The following RABGAP1L variants were observed in gnomAD, a reference collection of about 807,000 sequenced individuals.
RABGAP1L encodes the protein rab GTPase-activating protein 1-like.
A neutral mutation model predicts 137.7 loss-of-function variants in RABGAP1L; 63 were observed. That is an observed-to-expected ratio of 0.46 (90% CI 0.37 to 0.56). The LOEUF (loss-of-function observed/expected upper bound fraction) is 0.56. Ranked by LOEUF, RABGAP1L falls within the 20% of genes least tolerant of loss-of-function variation. The pLI is 0.00. For synonymous variants in RABGAP1L, 431 were observed against 433.7 expected (o/e 0.99, Z 0.08); for missense variants, 1,095 against 1,244.0 (o/e 0.88, Z 1.80).
chr1:174,477,363 T>C (rs1415177221), intron 13 of RABGAP1L, among the ~76,000 whole-genome samples: 4 of 152,240 alleles, frequency 2.6e-5, no homozygotes, highest in African/African-American at 9.6e-5. Context: ...GCTACTGTTA[T>C]GATGTTCATA....
intron 3 of RABGAP1L, among the ~76,000 whole-genome samples, chr1:174,223,503 A>G (rs1210407163): frequency 6.6e-6 from 1 of 151,608 alleles, no homozygotes; most frequent in African/African-American, 2.4e-5. Context: ...AACAGTAGAA[A>G]ATAAAATTGC....
chr1:174,673,485 A>G (rs1264861022), intron 14 of RABGAP1L, among the ~76,000 whole-genome samples: 1 of 152,202 alleles, frequency 6.6e-6, no homozygotes, highest in Admixed American at 6.5e-5. Flanking sequence ...CCAAGATGCT[A>G]TCAGGTACCT....
intron 18 of RABGAP1L, among the ~76,000 whole-genome samples, chr1:174,803,611 ATTTTT>A (rs200872896): frequency 4.0e-5 from 6 of 148,206 alleles, no homozygotes; most frequent in African/African-American, 1.2e-4. Context: ...TCACATTTAG[ATTTTT>A]TTTTTTTCAA....
intron 13 of RABGAP1L, among the ~76,000 whole-genome samples, chr1:174,466,866 T>TTGTTACCTGTGTAATACTGGGCA (rs1657355021): frequency 6.6e-6 from 1 of 152,198 alleles, no homozygotes; most frequent in Admixed American, 6.5e-5. Context: ...TATTCATCAC[T>TTGTTACCTGTGTAATACTGGGCA]TGTTACCTGT....
At chr1:174,385,856 G>T (rs1220134357) in intron 12 of RABGAP1L, among the ~76,000 whole-genome samples, 1 of 152,170 alleles carries the variant, frequency 6.6e-6, no homozygotes, top group Non-Finnish European at 1.5e-5. Context: ...AAGCCCAGCT[G>T]GATTGGAAAT....
intron 13 of RABGAP1L, among the ~76,000 whole-genome samples, chr1:174,530,461 A>G (rs546456811): frequency 2.6e-5 from 4 of 152,242 alleles, no homozygotes; most frequent in South Asian, 2.1e-4. Context: ...GCACAATCTC[A>G]TGGTGTTACC....
Position 174,448,645 on chromosome 1 carries a change from T to G in RABGAP1L, c.1710+54500T>G. ...GCCTAATTTTCTTGCCTTCCTTTTT[T>G]GGCTGGGGGAAACCTGGTTACCATG... On this transcript the variant is annotated intron_variant, in intron 13 of 25. Coordinates refer to ENST00000681986, the MANE Select transcript of RABGAP1L (RefSeq NM_001366446.1). This position sits in a 1 kb window ranked among gnomAD's most constrained non-coding sequence, Gnocchi z 4.2. 6.2e-7 allele frequency: 1 copy of G among 1,613,924 alleles called. No individual in the cohort carries two copies. The highest frequency in any genetic ancestry group is 8.5e-7 in the Non-Finnish European group (1 of 1,179,792).
At chr1:174,421,305 T>C (rs978895493) in intron 13 of RABGAP1L, among the ~76,000 whole-genome samples, 7 of 152,224 alleles carry the variant, frequency 4.6e-5, no homozygotes, top group African/African-American at 1.4e-4. Flanking sequence ...TACATCTTTT[T>C]CCTAGGCAAC....
rs938370949 is a variant in RABGAP1L, at chr1:174,958,227, T to C, written c.2433+678T>C. 3.6e-5 allele frequency: 46 copies of C among 1,272,924 alleles called. No homozygotes were observed. The South Asian group carries it at 5.1e-4, about 14-fold the overall frequency. The allele number at this position is 1,272,924 out of a possible 1,614,324, so 78.9% of individuals were successfully genotyped here. On this transcript the variant is annotated intron_variant, in intron 20 of 25. Coordinates refer to ENST00000681986, the MANE Select transcript of RABGAP1L (RefSeq NM_001366446.1). ...TGCAACATTTATTTCCACAAATGAA[T>C]TTATGAACAACAGTGATATTTGAGT...
At chr1:174,643,939 G>GTGTGTATGTA (rs1038932862) in intron 14 of RABGAP1L, among the ~76,000 whole-genome samples, 8 of 150,070 alleles carry the variant, frequency 5.3e-5, no homozygotes, top group Non-Finnish European at 1.2e-4. Context: ...GTGTGTGTGT[G>GTGTGTATGTA]TGTATGTATG....
chr1:174,726,961 A>G (rs1682037710), intron 17 of RABGAP1L, among the ~76,000 whole-genome samples: 1 of 152,196 alleles, frequency 6.6e-6, no homozygotes, highest in Non-Finnish European at 1.5e-5. Context: ...TGCTCAGAAT[A>G]GAAGTAATCG....
intron 11 of RABGAP1L, among the ~76,000 whole-genome samples, chr1:174,309,865 T>C (rs957727967): frequency 6.6e-6 from 1 of 152,136 alleles, no homozygotes; most frequent in Non-Finnish European, 1.5e-5. Flanking sequence ...AGTGTAATGC[T>C]GGCCTCATAA....
intron 13 of RABGAP1L, among the ~76,000 whole-genome samples, chr1:174,434,701 T>C (rs923014548): frequency 2.6e-5 from 4 of 152,214 alleles, no homozygotes; most frequent in African/African-American, 9.6e-5. Context: ...TGTATATTGG[T>C]ATCTCATCTA....
chr1:174,406,717 G>A (rs914715626), intron 13 of RABGAP1L, among the ~76,000 whole-genome samples: 2 of 152,110 alleles, frequency 1.3e-5, no homozygotes, highest in African/African-American at 2.4e-5. Context: ...GGAAGATCTC[G>A]AGTCCAGGAG....
chr1:174,598,078 C>A (rs1225352221), intron 13 of RABGAP1L, among the ~76,000 whole-genome samples: 1 of 152,034 alleles, frequency 6.6e-6, no homozygotes, highest in Non-Finnish European at 1.5e-5. Flanking sequence ...CGGCTGTAAT[C>A]CCAGAACTTT....
rs148344455 is a variant in RABGAP1L, at chr1:174,716,705, A to G, written c.2169+14449A>G. On this transcript the variant is annotated intron_variant, in intron 17 of 25. Transcript: ENST00000681986. ...GTTATTTTTTAGAAGTCCACTTGAC[A>G]TTTTGCTTCTTGTCCTCATCCTAGT... Among the ~76,000 whole-genome samples the G allele has an allele frequency of 1.6e-4, 25 of 152,114 alleles. 1 individual carries two copies. Among genetic ancestry groups the G allele is most frequent in the Middle Eastern group, 3.4e-3 (1 of 294 alleles).
chr1:174,236,443 T>C (rs1021497460), intron 4 of RABGAP1L, among the ~76,000 whole-genome samples: 8 of 142,148 alleles, frequency 5.6e-5, no homozygotes, highest in African/African-American at 7.9e-5. Context: ...GCTTTGAATG[T>C]GTCCCAGAGA....
intron 5 of RABGAP1L, chr1:174,242,952 T>G (rs1407696494): frequency 6.6e-6 from 1 of 152,176 alleles, no homozygotes; most frequent in Non-Finnish European, 1.5e-5. Context: ...TGAGGGGGGC[T>G]ATTTCTGATC....
chr1:174,551,171 T>C (rs1666519864), intron 13 of RABGAP1L, among the ~76,000 whole-genome samples: 1 of 149,714 alleles, frequency 6.7e-6, no homozygotes, highest in Non-Finnish European at 1.5e-5. Flanking sequence ...ATCGCACCAC[T>C]GCACTCCAGC....
Sources: gnomAD v4.1 joint callset for allele counts (sites outside exome capture counted in the v4.1 genomes callset) on GRCh38, gnomAD v4.1.1 for gene constraint, Gnocchi (gnomAD v3.1) non-coding constraint, MANE v1.5 for transcripts, NCBI Gene and HGNC (gene_info 2026-07-23, HGNC 2026-07-21) for gene names.